MRPS34: variants seen among roughly 807,000 people sequenced by gnomAD.
MRPS34 encodes the protein mitochondrial ribosomal protein S34.
In MRPS34, 12 loss-of-function variants were observed where a neutral mutation model predicts 13.3. The ratio of observed to expected loss-of-function variants is 0.90; its 90% CI spans 0.58 to 1.46. MRPS34 has a LOEUF of 1.46. Ranked by LOEUF, MRPS34 falls within the 40% of genes most tolerant of loss-of-function variation. The pLI, the probability that MRPS34 is intolerant of heterozygous loss-of-function variation, is 0.00. For missense variants in MRPS34, 419 were observed against 335.3 expected, an observed-to-expected ratio of 1.25 and a Z score of -1.95; for synonymous variants, 181 against 149.3, an observed-to-expected ratio of 1.21 and a Z score of -1.55.
chr16:1,773,079 AGCTCCGCGATCAG>A lies in MRPS34; in HGVS notation c.28_40del (p.Leu10TrpfsTer12), dbSNP rs2042648916. 7.1e-7 allele frequency: 1 copy of A among 1,412,408 alleles called. No individual in the cohort carries two copies. The highest frequency in any genetic ancestry group is 3.3e-5 in the Admixed American group (1 of 30,762). The allele number at this position is 1,412,408 out of a possible 1,614,324, so 87.5% of individuals were successfully genotyped here. ...CCGCAGGGCGCGCACGCGGCGGGCCAGCTCCGCGATCAGCCGCGGACGCACCTTCTTCCGCGCC... is the reference window on the plus strand; with the variant it reads ...CCGCAGGGCGCGCACGCGGCGGGCCACCGCGGACGCACCTTCTTCCGCGCC... On this transcript the variant is annotated frameshift_variant, in exon 1 of 3. Coordinates refer to ENST00000397375, the MANE Select transcript of MRPS34 (RefSeq NM_023936.2). LOFTEE classifies it high-confidence loss of function.
Position 1,772,937 on chromosome 16 carries a change from CTCGCGGCGCACGTCG to C in MRPS34, c.168_182del (p.Asp57_Glu61del). The C allele has an allele frequency of 6.9e-7, 1 of 1,446,912 alleles. No homozygotes were observed. The highest frequency in any genetic ancestry group is 1.4e-5 in the South Asian group (1 of 70,164). 89.6% of individuals were successfully genotyped at this position (1,446,912 alleles called of 1,614,324 possible). ...GGCCGAGCAGCTGCAAGAGGCGGCT[CTCGCGGCGCACGTCG>C]GCCCAGGCCCGGACCGGCAGCCGGC... On this transcript the variant is annotated inframe_deletion, in exon 1 of 3. Transcript: ENST00000397375.
In MRPS34 at chr16:1,773,037, G is replaced by A. The variant is rs776919892; in HGVS notation, c.83C>T (p.Pro28Leu). The A allele has an allele frequency of 1.4e-6, 2 of 1,437,058 alleles. No individual in the cohort carries two copies. Among genetic ancestry groups the A allele is most frequent in the African/African-American group, 1.5e-5 (1 of 66,706 alleles). The allele number at this position is 1,437,058 out of a possible 1,614,324, so 89.0% of individuals were successfully genotyped here. Residue 28 changes from proline to leucine, a missense_variant, in exon 1 of 3, where the codon CCG (proline) becomes CTG (leucine). By Grantham distance (98) the Pro-to-Leu change is moderately conservative. Coordinates refer to ENST00000397375, the MANE Select transcript of MRPS34 (RefSeq NM_023936.2). Reference sequence around the variant, plus strand: ...CACCGCGTAGAGCTGGGAGTCGCGCGGCCTGTTCAGTTGCTCCCGCAGGGC... The same window carrying A: ...CACCGCGTAGAGCTGGGAGTCGCGCAGCCTGTTCAGTTGCTCCCGCAGGGC... ...VRALREQLNR[P>L]RDSQLYAVDY...
chr16:1,772,666 C>CG lies in MRPS34; in HGVS notation c.322-21dup. 2 of 1,601,016 alleles carry CG rather than the reference C, an allele frequency of 1.2e-6. No homozygotes were observed. The highest frequency in any genetic ancestry group is 1.3e-5 in the African/African-American group (1 of 75,046). On this transcript the variant is annotated intron_variant, in intron 1 of 2. Transcript: ENST00000397375. Reference sequence around the variant, plus strand: ...CAAGTTCTGCAAAGCCAGAAGGAAGCGGGGTCAGCTCGCAAAGCTCTCGGC... The same window carrying CG: ...CAAGTTCTGCAAAGCCAGAAGGAAGCGGGGGTCAGCTCGCAAAGCTCTCGGC...
chr16:1,772,802 C>T lies in MRPS34; in HGVS notation c.318G>A (p.Ala106=). ...RLTRVRPDYT[A]QNLDHGKAWG... ...GGTGCGGACGGGGTGCACGCACCTGCGCCGTGTAGTCGGGCCGCACCCGCG... is the reference window on the plus strand; with the variant it reads ...GGTGCGGACGGGGTGCACGCACCTGTGCCGTGTAGTCGGGCCGCACCCGCG... Residue 106 remains alanine (A), a synonymous_variant, in exon 1 of 3, where the codon GCG becomes GCA. Transcript: ENST00000397375. 1.4e-6 allele frequency: 2 copies of T among 1,464,292 alleles called. No individual in the cohort carries two copies. The highest frequency in any genetic ancestry group is 1.8e-6 in the Non-Finnish European group (2 of 1,113,158). 90.7% of individuals were successfully genotyped at this position (1,464,292 alleles called of 1,614,324 possible).
At position 1,773,040 on chromosome 16, in the gene MRPS34, C is replaced by A; in HGVS notation, c.80G>T (p.Arg27Met). The A allele has an allele frequency of 7.0e-7, 1 of 1,435,588 alleles. No individual in the cohort carries two copies. Among genetic ancestry groups the A allele is most frequent in the Non-Finnish European group, 9.1e-7 (1 of 1,096,182 alleles). The allele number at this position is 1,435,588 out of a possible 1,614,324, so 88.9% of individuals were successfully genotyped here. The change falls in exon 1 of 3, where the codon AGG (arginine) becomes ATG (methionine). Residue 27 changes from arginine to methionine, a missense_variant. Physicochemically the swap from Arg to Met is moderately conservative, Grantham distance 91. Transcript: ENST00000397375. Reference sequence around the variant, plus strand: ...CGCGTAGAGCTGGGAGTCGCGCGGCCTGTTCAGTTGCTCCCGCAGGGCGCG... The same window carrying A: ...CGCGTAGAGCTGGGAGTCGCGCGGCATGTTCAGTTGCTCCCGCAGGGCGCG... Reference protein sequence around the residue: ...RVRALREQLNRPRDSQLYAVD... With the variant: ...RVRALREQLNMPRDSQLYAVD...
Position 1,772,847 on chromosome 16 carries a change from C to T in MRPS34, c.273G>A (p.Glu91=). Residue 91 remains glutamate (E), a synonymous_variant, in exon 1 of 3, where the codon GAG becomes GAA. Coordinates refer to ENST00000397375, the MANE Select transcript of MRPS34 (RefSeq NM_023936.2). ...TRKSWLWQHD[E]PCYWRLTRVR... ...CCCGCGTGAGGCGCCAGTAGCACGG[C>T]TCGTCGTGCTGCCACAGCCAGGACT... is the stretch of plus-strand genomic sequence containing the variant. The T allele has an allele frequency of 6.9e-7, 1 of 1,443,872 alleles. No individual in the cohort carries two copies. Among genetic ancestry groups the T allele is most frequent in the Non-Finnish European group, 9.1e-7 (1 of 1,103,468 alleles). 89.4% of individuals were successfully genotyped at this position (1,443,872 alleles called of 1,614,324 possible).
chr16:1,772,296 C>T lies in MRPS34; in HGVS notation c.582G>A (p.Gln194=), dbSNP rs991418438. ...AATCCCAGGGTTCCATGCGTATCCT[C>T]TGCACATTCAGCATGGGCTCCTCGG... ...TSTEEPMLNV[Q]RIRMEPWDYP... The change falls in exon 3 of 3, where the codon CAG becomes CAA. Residue 194 remains glutamine (Q), a synonymous_variant. Transcript: ENST00000397375. 5.6e-6 allele frequency: 9 copies of T among 1,612,990 alleles called. No homozygotes were observed. The highest frequency in any genetic ancestry group is 7.6e-6 in the Non-Finnish European group (9 of 1,180,008).
At position 1,772,416 on chromosome 16, in the gene MRPS34, C is replaced by T; in HGVS notation, c.462G>A (p.Thr154=). 1 of 1,611,868 alleles carries T rather than the reference C, an allele frequency of 6.2e-7. No individual in the cohort carries two copies. The highest frequency in any genetic ancestry group is 8.5e-7 in the Non-Finnish European group (1 of 1,179,986). Residue 154 remains threonine, a synonymous_variant, in exon 3 of 3, where the codon ACG becomes ACA. Coordinates refer to ENST00000397375, the MANE Select transcript of MRPS34 (RefSeq NM_023936.2). ...AGGCCAGGCTGTCTTCCGGCGCCGG[C>T]GTGAACGCGGTGAAGGCCTCCTCCT... The part of the protein sequence containing the change: ...KHEEEAFTAF[T]PAPEDSLASV...
In MRPS34 at chr16:1,773,008, A is replaced by G. The variant is rs1418965644; in HGVS notation, c.112T>C (p.Tyr38His). 2 of 1,458,646 alleles carry G rather than the reference A, an allele frequency of 1.4e-6. No homozygotes were observed. The highest frequency in any genetic ancestry group is 1.8e-6 in the Non-Finnish European group (2 of 1,105,878). The allele number at this position is 1,458,646 out of a possible 1,614,324, so 90.4% of individuals were successfully genotyped here. The change falls in exon 1 of 3, where the codon TAC becomes CAC. Residue 38 changes from tyrosine to histidine, a missense_variant. Transcript: ENST00000397375. ...PRDSQLYAVD[Y>H]ETLTRPFSGR... ...GAGAACGGCCGCGTCAAGGTCTCGT[A>G]GTCCACCGCGTAGAGCTGGGAGTCG...
At position 1,772,813 on chromosome 16, in the gene MRPS34, C is replaced by T. The variant is rs914681096; in HGVS notation, c.307G>A (p.Asp103Asn). ...GGTGCACGCACCTGCGCCGTGTAGT[C>T]GGGCCGCACCCGCGTGAGGCGCCAG... Reference protein sequence around the residue: ...CYWRLTRVRPDYTAQNLDHGK... With the variant: ...CYWRLTRVRPNYTAQNLDHGK... The change falls in exon 1 of 3, where the codon GAC (aspartate) becomes AAC (asparagine). Residue 103 changes from aspartate to asparagine, a missense_variant. Physicochemically the swap from Asp to Asn is conservative, Grantham distance 23. Transcript: ENST00000397375. 6.9e-6 allele frequency: 10 copies of T among 1,446,006 alleles called. No homozygotes were observed. Among genetic ancestry groups the T allele is most frequent in the Admixed American group, 5.4e-5 (2 of 36,916 alleles). 89.6% of individuals were successfully genotyped at this position (1,446,006 alleles called of 1,614,324 possible).
At position 1,772,966 on chromosome 16, in the gene MRPS34, C is replaced by G; in HGVS notation, c.154G>C (p.Val52Leu). 2 of 1,447,806 alleles carry G rather than the reference C, an allele frequency of 1.4e-6. No individual in the cohort carries two copies. The highest frequency in any genetic ancestry group is 1.4e-5 in the South Asian group (1 of 70,624). The allele number at this position is 1,447,806 out of a possible 1,614,324, so 89.7% of individuals were successfully genotyped here. A position where few individuals can be genotyped will look rare whatever the true frequency, so the allele number is the denominator to read the frequency against. ...CGGCGCACGTCGGCCCAGGCCCGGA[C>G]CGGCAGCCGGCGTCCAGAGAACGGC... Reference protein sequence around the residue: ...TRPFSGRRLPVRAWADVRRES... With the variant: ...TRPFSGRRLPLRAWADVRRES... Residue 52 changes from valine to leucine, a missense_variant, in exon 1 of 3, where the codon GTC becomes CTC. Physicochemically the swap from Val to Leu is conservative, Grantham distance 32. Coordinates refer to ENST00000397375, the MANE Select transcript of MRPS34 (RefSeq NM_023936.2).
In MRPS34 at chr16:1,772,397, G is replaced by T. The variant is rs527952666; in HGVS notation, c.481C>A (p.Leu161Met). 1.2e-6 allele frequency: 2 copies of T among 1,611,932 alleles called. No individual in the cohort carries two copies. The highest frequency in any genetic ancestry group is 1.7e-6 in the Non-Finnish European group (2 of 1,179,986). ...TAFTPAPEDS[L>M]ASVPYPPLLR... Reference sequence around the variant, plus strand: ...AGAGGCGGGTACGGCACGGAGGCCAGGCTGTCTTCCGGCGCCGGCGTGAAC... The same window carrying T: ...AGAGGCGGGTACGGCACGGAGGCCATGCTGTCTTCCGGCGCCGGCGTGAAC... The change falls in exon 3 of 3, where the codon CTG becomes ATG. Residue 161 changes from leucine to methionine, a missense_variant. Leu to Met is a conservative substitution (Grantham distance 15). Transcript: ENST00000397375.
Position 1,772,078 on chromosome 16 carries a change from G to T in MRPS34, c.*143C>A. 2 of 885,548 alleles carry T rather than the reference G, an allele frequency of 2.3e-6. No homozygotes were observed. The highest frequency in any genetic ancestry group is 3.5e-6 in the Non-Finnish European group (2 of 573,982). The allele number at this position is 885,548 out of a possible 1,614,324, so 54.9% of individuals were successfully genotyped here. On this transcript the variant is annotated 3_prime_UTR_variant, in exon 3 of 3. Coordinates refer to ENST00000397375, the MANE Select transcript of MRPS34 (RefSeq NM_023936.2). Reference sequence around the variant, plus strand: ...GATTTGCCCCAGCCCTCCCCCCTAAGATGCAGACCCTCAGAACACGTCGCG... The same window carrying T: ...GATTTGCCCCAGCCCTCCCCCCTAATATGCAGACCCTCAGAACACGTCGCG...
chr16:1,772,159 C>G lies in MRPS34; in HGVS notation c.*62G>C. 6.6e-7 allele frequency: 1 copy of G among 1,511,306 alleles called. No homozygotes were observed. Among genetic ancestry groups the G allele is most frequent in the South Asian group, 1.2e-5 (1 of 84,050 alleles). 93.6% of individuals were successfully genotyped at this position (1,511,306 alleles called of 1,614,324 possible). On this transcript the variant is annotated 3_prime_UTR_variant, in exon 3 of 3. Transcript: ENST00000397375. ...CTCGGGTGTAACGCAAAGACGGTTT[C>G]TTTCATCAATAAGGTCCCCACTGCC...
Position 1,772,069 on chromosome 16 carries a change from C to A in MRPS34, c.*152G>T, listed in dbSNP as rs1183726083. ...ACAGGTGGCGATTTGCCCCAGCCCT[C>A]CCCCCTAAGATGCAGACCCTCAGAA... is the stretch of plus-strand genomic sequence containing the variant. On this transcript the variant is annotated 3_prime_UTR_variant, in exon 3 of 3. Transcript: ENST00000397375. 5 of 823,748 alleles carry A rather than the reference C, an allele frequency of 6.1e-6. No homozygotes were observed. The East Asian group carries it at 7.4e-5, about 12-fold the overall frequency. The allele number at this position is 823,748 out of a possible 1,614,324, so 51.0% of individuals were successfully genotyped here.
Position 1,772,280 on chromosome 16 carries a change from G to T in MRPS34, c.598C>A (p.Pro200Thr). The T allele has an allele frequency of 6.2e-7, 1 of 1,612,714 alleles. No homozygotes were observed. The highest frequency in any genetic ancestry group is 1.1e-5 in the South Asian group (1 of 91,088). The change falls in exon 3 of 3, where the codon CCC (proline) becomes ACC (threonine). Residue 200 changes from proline to threonine, a missense_variant. Pro to Thr is a conservative substitution (Grantham distance 38, BLOSUM62 -1). Transcript: ENST00000397375. ...TCCTGTTTTGCAGGGTAATCCCAGG[G>T]TTCCATGCGTATCCTCTGCACATTC... ...MLNVQRIRME[P>T]WDYPAKQEDK...
Position 1,772,808 on chromosome 16 carries a change from G to A in MRPS34, c.312C>T (p.Tyr104=). ...GACGGGGTGCACGCACCTGCGCCGT[G>A]TAGTCGGGCCGCACCCGCGTGAGGC... The part of the protein sequence containing the change: ...YWRLTRVRPD[Y]TAQNLDHGKA... The change falls in exon 1 of 3, where the codon TAC becomes TAT. Residue 104 remains tyrosine (Y), a synonymous_variant. Transcript: ENST00000397375. 7.7e-6 allele frequency: 10 copies of A among 1,297,996 alleles called. No homozygotes were observed. Among genetic ancestry groups the A allele is most frequent in the Non-Finnish European group, 9.8e-6 (10 of 1,016,812 alleles). The allele number at this position is 1,297,996 out of a possible 1,614,324, so 80.4% of individuals were successfully genotyped here. A position where few individuals can be genotyped will look rare whatever the true frequency, so the allele number is the denominator to read the frequency against.
In MRPS34 at chr16:1,771,913, T is replaced by C; in HGVS notation, c.*308A>G. The C allele has an allele frequency of 2.0e-6, 1 of 501,642 alleles. No individual in the cohort carries two copies. The highest frequency in any genetic ancestry group is 3.5e-6 in the Non-Finnish European group (1 of 282,480). The allele number at this position is 501,642 out of a possible 1,614,324, so 31.1% of individuals were successfully genotyped here. A position where few individuals can be genotyped will look rare whatever the true frequency, so the allele number is the denominator to read the frequency against. On this transcript the variant is annotated 3_prime_UTR_variant, in exon 3 of 3. Coordinates refer to ENST00000397375, the MANE Select transcript of MRPS34 (RefSeq NM_023936.2). ...CCCTGGGTACTTCTTTTCTCTTTAT[T>C]CCCTTTCATAGCTTCTGCCGGGATC...
In MRPS34 at chr16:1,772,176, C is replaced by T. The variant is rs1466924898; in HGVS notation, c.*45G>A. 1.9e-6 allele frequency: 3 copies of T among 1,562,024 alleles called. No individual in the cohort carries two copies. Among genetic ancestry groups the T allele is most frequent in the African/African-American group, 2.7e-5 (2 of 73,798 alleles). On this transcript the variant is annotated 3_prime_UTR_variant, in exon 3 of 3. Coordinates refer to ENST00000397375, the MANE Select transcript of MRPS34 (RefSeq NM_023936.2). ...GACGGTTTCTTTCATCAATAAGGTCCCCACTGCCTCACAGCCCCTAAGGCC... is the reference window on the plus strand; with the variant it reads ...GACGGTTTCTTTCATCAATAAGGTCTCCACTGCCTCACAGCCCCTAAGGCC...
Sources: gnomAD v4.1 joint callset for allele counts on GRCh38, gnomAD v4.1.1 for gene constraint, MANE v1.5 for transcripts, NCBI Gene and HGNC (gene_info 2026-07-23, HGNC 2026-07-21) for gene names.